The following VAMP4 variants were observed in gnomAD, a reference collection of about 807,000 sequenced individuals.
The protein encoded by VAMP4 is vesicle-associated membrane protein 4.
A neutral mutation model predicts 23.5 loss-of-function variants in VAMP4; 19 were observed. The ratio of observed to expected loss-of-function variants is 0.81; its 90% CI spans 0.56 to 1.19. The LOEUF is 1.19. VAMP4 is among the 50% of genes most tolerant of loss of function. The pLI, the probability that VAMP4 is intolerant of heterozygous loss-of-function variation, is 0.00. For synonymous variants in VAMP4, 31 were observed against 51.0 expected (o/e 0.61, Z 1.67); for missense variants, 145 against 168.6 (o/e 0.86, Z 0.78).
intron 4 of VAMP4, among the ~76,000 whole-genome samples, chr1:171,711,791 T>C (rs560438727): frequency 2.0e-5 from 3 of 152,298 alleles, no homozygotes; most frequent in African/African-American, 7.2e-5. Flanking sequence ...TTAAAGTGCA[T>C]TGGATTACTA....
intron 4 of VAMP4, among the ~76,000 whole-genome samples, chr1:171,716,113 T>G (rs994532773): frequency 6.6e-6 from 1 of 152,242 alleles, no homozygotes; most frequent in Non-Finnish European, 1.5e-5. Flanking sequence ...AAAGTTAAGC[T>G]GTATTTTTGC....
rs1201880266 is a variant in VAMP4 at position 171,709,896 on chromosome 1, A to G, written c.266-152T>C. On this transcript the variant is annotated intron_variant, in intron 5 of 7. Transcript: ENST00000236192. The stretch of plus-strand genomic sequence containing the variant: ...AGCATTCTCCCTTTTTTCCACCCAC[A>G]AACTCTGGCATTCTACATTATTAAA... The G allele has an allele frequency of 5.0e-6, 3 of 597,222 alleles. No homozygotes were observed. In the East Asian group the frequency reaches 8.8e-5, roughly 18 times the overall value. The allele number at this position is 597,222 out of a possible 1,614,324, so 37.0% of individuals were successfully genotyped here.
chr1:171,739,212 T>A (rs1186956611), intron 1 of VAMP4, among the ~76,000 whole-genome samples: 1 of 152,130 alleles, frequency 6.6e-6, no homozygotes, highest in South Asian at 2.1e-4. Flanking sequence ...CCTAGCTTCC[T>A]GGAAGGGGAG....
At chr1:171,736,094 C>T (rs1655732362) in intron 2 of VAMP4, among the ~76,000 whole-genome samples, 1 of 152,110 alleles carries the variant, frequency 6.6e-6, no homozygotes. Flanking sequence ...ACTATGTTGG[C>T]CAGACTGGTC....
At chr1:171,726,332 G>C (rs1213396941) in intron 3 of VAMP4, among the ~76,000 whole-genome samples, 1 of 152,252 alleles carries the variant, frequency 6.6e-6, no homozygotes, top group African/African-American at 2.4e-5. Flanking sequence ...TTACAGGCGT[G>C]AGCCACTGCA....
rs1654517835 is a variant in VAMP4, at chr1:171,703,407, GTGTGTGTGTGTT to G, written c.*1087_*1098del. 9.6e-6 allele frequency: 1 copy of G among 103,938 alleles called. No homozygotes were observed. The highest frequency in any genetic ancestry group is 1.9e-5 in the Non-Finnish European group (1 of 51,360). The allele number at this position is 103,938 out of a possible 1,614,324, so 6.4% of individuals were successfully genotyped here. On this transcript the variant is annotated 3_prime_UTR_variant, in exon 8 of 8. Transcript: ENST00000236192. ...CATATGTGTGCGTGTGTGTGTGTGTGTGTGTGTGTGTTTGTGTGTATATATATATATATATAT... is the reference window on the plus strand; with the variant it reads ...CATATGTGTGCGTGTGTGTGTGTGTGTGTGTGTATATATATATATATATAT...
At position 171,704,363 on chromosome 1, in the gene VAMP4, G is replaced by C. The variant is rs997053616; in HGVS notation, c.*143C>G. 5 of 486,848 alleles carry C rather than the reference G, an allele frequency of 1.0e-5. No individual in the cohort carries two copies. Among genetic ancestry groups the C allele is most frequent in the Non-Finnish European group, 1.7e-5 (5 of 292,752 alleles). 30.2% of individuals were successfully genotyped at this position (486,848 alleles called of 1,614,324 possible). ...GAGAAGATAATTGGACATTCTCAAC[G>C]TTCCAATTTGAAGTGATACTTGCCT... On this transcript the variant is annotated 3_prime_UTR_variant, in exon 8 of 8. Transcript: ENST00000236192.
rs59222991 is a variant in VAMP4 at position 171,703,425 on chromosome 1, G to GTATATATATATATATA, written c.*1065_*1080dup. 1.6e-4 allele frequency: 13 copies of GTATATATATATATATA among 80,660 alleles called. No homozygotes were observed. Among genetic ancestry groups the GTATATATATATATATA allele is most frequent in the African/African-American group, 1.9e-4 (4 of 20,958 alleles). The allele number at this position is 80,660 out of a possible 1,614,324, so 5.0% of individuals were successfully genotyped here. A position where few individuals can be genotyped will look rare whatever the true frequency, so the allele number is the denominator to read the frequency against. On this transcript the variant is annotated 3_prime_UTR_variant, in exon 8 of 8. Coordinates refer to ENST00000236192, the MANE Select transcript of VAMP4 (RefSeq NM_003762.5). ...TGTGTGTGTGTGTGTGTGTTTGTGT[G>GTATATATATATATATA]TATATATATATATATATATATATAT...
chr1:171,726,580 T>C (rs1400348498), intron 3 of VAMP4, among the ~76,000 whole-genome samples: 1 of 152,200 alleles, frequency 6.6e-6, no homozygotes, highest in Non-Finnish European at 1.5e-5. Flanking sequence ...GATGATCTTT[T>C]TATCAAATTA....
intron 2 of VAMP4, among the ~76,000 whole-genome samples, chr1:171,731,297 A>C (rs1280994760): frequency 6.6e-6 from 1 of 152,168 alleles, no homozygotes. Context: ...TGATAGCATT[A>C]GGAGATATAC....
chr1:171,731,216 T>C (rs932313229), intron 2 of VAMP4, among the ~76,000 whole-genome samples: 1 of 151,864 alleles, frequency 6.6e-6, no homozygotes, highest in Non-Finnish European at 1.5e-5. Flanking sequence ...AATTGAACAA[T>C]GAGAACACAT....
At chr1:171,739,574 T>A (rs1050910566) in intron 1 of VAMP4, among the ~76,000 whole-genome samples, 1 of 152,214 alleles carries the variant, frequency 6.6e-6, no homozygotes, top group South Asian at 2.1e-4. Context: ...TAAAACAACC[T>A]GGAACTTGTG....
intron 2 of VAMP4, among the ~76,000 whole-genome samples, chr1:171,732,412 C>T (rs1452852777): frequency 2.0e-5 from 3 of 151,588 alleles, no homozygotes; most frequent in African/African-American, 7.3e-5. Flanking sequence ...TGGCTCATGC[C>T]TGTAGTCCTA....
chr1:171,738,121 A>T (rs1294856147), intron 2 of VAMP4, among the ~76,000 whole-genome samples: 1 of 151,476 alleles, frequency 6.6e-6, no homozygotes, highest in Non-Finnish European at 1.5e-5. Flanking sequence ...GGCATGTGCT[A>T]CCATGCCCCA....
At chr1:171,734,762 T>C (rs1169562109) in intron 2 of VAMP4, among the ~76,000 whole-genome samples, 1 of 152,166 alleles carries the variant, frequency 6.6e-6, no homozygotes, top group Non-Finnish European at 1.5e-5. Context: ...CTTGAAACAG[T>C]CAATTTTATT....
chr1:171,720,531 G>T (rs746585306), intron 3 of VAMP4, among the ~76,000 whole-genome samples: 1 of 150,502 alleles, frequency 6.6e-6, no homozygotes, highest in Admixed American at 6.7e-5. Flanking sequence ...TTAGTAACAG[G>T]AATGGAAGAG....
At chr1:171,710,119 C>T (rs1395358513) in intron 5 of VAMP4, among the ~76,000 whole-genome samples, 2 of 151,130 alleles carry the variant, frequency 1.3e-5, no homozygotes, top group Non-Finnish European at 2.9e-5. Context: ...AAGTTAGCTT[C>T]TTAGAAGATA....
At chr1:171,704,664 T>G in intron 7 of VAMP4, 130 bp from the exon 8 acceptor site, 1 of 581,770 alleles carries the variant, frequency 1.7e-6, no homozygotes, top group South Asian at 5.7e-5. Flanking sequence ...AACTTTTATC[T>G]GAGGTAATAA....
intron 2 of VAMP4, among the ~76,000 whole-genome samples, chr1:171,730,678 G>A (rs1428971881): frequency 6.8e-6 from 1 of 148,058 alleles, no homozygotes; most frequent in South Asian, 2.2e-4. Flanking sequence ...AGTAACAAAA[G>A]AGAGAGGGAA....
Sources: allele counts gnomAD v4.1 joint callset (sites outside exome capture counted in the v4.1 genomes callset), GRCh38; gene constraint gnomAD v4.1.1; transcripts MANE v1.5; gene names NCBI Gene and HGNC (gene_info 2026-07-23, HGNC 2026-07-21).